The following INPP4B variants were observed in gnomAD, a reference collection of about 807,000 sequenced individuals.
INPP4B encodes the protein inositol polyphosphate-4-phosphatase type II B.
In INPP4B, 55 loss-of-function variants were observed where a neutral mutation model predicts 122.5. The ratio of observed to expected loss-of-function variants is 0.45; its 90% CI spans 0.36 to 0.56. The LOEUF is 0.56. INPP4B is among the 20% of genes least tolerant of loss of function. The pLI is 0.00. For missense variants in INPP4B, 1,000 were observed against 1,097.7 expected, an observed-to-expected ratio of 0.91 and a Z score of 1.26; for synonymous variants, 403 against 388.7, an observed-to-expected ratio of 1.04 and a Z score of -0.43.
intron 2 of INPP4B, among the ~76,000 whole-genome samples, chr4:142,657,576 G>C (rs948978558): frequency 1.3e-5 from 2 of 152,158 alleles, no homozygotes; most frequent in African/African-American, 4.8e-5. Flanking sequence ...TTAGTAAAAG[G>C]TTATAAGAAG....
At chr4:142,377,334 A>G (rs1792309646) in intron 7 of INPP4B, among the ~76,000 whole-genome samples, 1 of 152,006 alleles carries the variant, frequency 6.6e-6, no homozygotes. Context: ...GTTAAAAAAA[A>G]AAAAATCCTT....
intron 22 of INPP4B, 41 bp from the exon 23 acceptor site, chr4:142,108,231 G>GT (rs754423443): frequency 9.4e-7 from 1 of 1,061,778 alleles, no homozygotes; most frequent in South Asian, 1.3e-5. Context: ...GTTATAAAAC[G>GT]GTACCAAAAA....
chr4:142,775,623 C>A (rs1049241243), intron 1 of INPP4B, among the ~76,000 whole-genome samples: 2 of 150,866 alleles, frequency 1.3e-5, no homozygotes, highest in African/African-American at 4.9e-5. Flanking sequence ...AATCCTCCCA[C>A]CTTGGACTCT....
At chr4:142,835,895 T>C (rs79835060) in intron 1 of INPP4B, among the ~76,000 whole-genome samples, 5,117 of 152,250 alleles carry the variant, frequency 0.034, 94 homozygotes, top group Non-Finnish European at 0.041. Context: ...TGGAGGACCA[T>C]GAGACACCAT....
At chr4:142,744,558 G>A (rs1661104322) in intron 1 of INPP4B, among the ~76,000 whole-genome samples, 1 of 151,648 alleles carries the variant, frequency 6.6e-6, no homozygotes, top group Admixed American at 6.6e-5. Flanking sequence ...TTACTACAGG[G>A]AACAATAATG....
chr4:142,298,367 G>A (rs1759744883), intron 9 of INPP4B, among the ~76,000 whole-genome samples: 1 of 152,034 alleles, frequency 6.6e-6, no homozygotes, highest in Admixed American at 6.6e-5. Context: ...GAAGGGCCAG[G>A]TTTGAAGTCT....
At position 142,173,559 on chromosome 4, in the gene INPP4B, G is replaced by C. The variant is rs1826571286; in HGVS notation, c.1359+73C>G. 12 of 1,270,088 alleles carry C rather than the reference G, an allele frequency of 9.4e-6. No homozygotes were observed. In the East Asian group the frequency reaches 2.3e-4, roughly 25 times the overall value. 78.7% of individuals were successfully genotyped at this position (1,270,088 alleles called of 1,614,324 possible). ...ATTTCCAGATGCTATGAATGGCGAT[G>C]TATGCAGAAAGCCAGACCAATGGGA... On this transcript the variant is annotated intron_variant, in intron 16 of 25. Coordinates refer to ENST00000262992, the MANE Select transcript of INPP4B (RefSeq NM_001101669.3).
At chr4:142,611,637 C>CTTTTT (rs34482115) in intron 2 of INPP4B, among the ~76,000 whole-genome samples, 15 of 65,230 alleles carry the variant, frequency 2.3e-4, no homozygotes, top group African/African-American at 3.2e-4. Context: ...TTTCTTTTTT[C>CTTTTT]TTTTTTTTTT....
chr4:142,057,251 T>TAA (rs35202316), intron 25 of INPP4B, among the ~76,000 whole-genome samples: 1 of 151,768 alleles, frequency 6.6e-6, no homozygotes, highest in Non-Finnish European at 1.5e-5. Flanking sequence ...AATAGTATGT[T>TAA]AAAAATCACT....
chr4:142,683,645 C>G (rs905778048), intron 2 of INPP4B, among the ~76,000 whole-genome samples: 1 of 151,536 alleles, frequency 6.6e-6, no homozygotes, highest in African/African-American at 2.4e-5. Context: ...GAGACAACCC[C>G]ATGACTACCA....
At chr4:142,592,007 A>T (rs1737607367) in intron 2 of INPP4B, among the ~76,000 whole-genome samples, 3 of 152,194 alleles carry the variant, frequency 2.0e-5, no homozygotes, top group Admixed American at 6.5e-5. Context: ...GCTGTAGATA[A>T]AAATAAGGTA....
intron 2 of INPP4B, among the ~76,000 whole-genome samples, chr4:142,671,910 G>A (rs1306283836): frequency 6.6e-6 from 1 of 152,032 alleles, no homozygotes; most frequent in Non-Finnish European, 1.5e-5. Context: ...ATGCTCCTCT[G>A]AGGTCAACTC....
chr4:142,700,667 A>G (rs1407476295), intron 2 of INPP4B, among the ~76,000 whole-genome samples: 2 of 91,890 alleles, frequency 2.2e-5, no homozygotes, highest in African/African-American at 3.5e-5. Flanking sequence ...TCTTATTTGC[A>G]TGAAATTTTT....
chr4:142,800,061 T>C (rs182738800), intron 1 of INPP4B, among the ~76,000 whole-genome samples: 12 of 152,192 alleles, frequency 7.9e-5, no homozygotes, highest in Non-Finnish European at 1.5e-4. Flanking sequence ...CTGAATGCAA[T>C]AATTGGAAAA....
intron 25 of INPP4B, among the ~76,000 whole-genome samples, chr4:142,065,439 CCT>C (rs1354921497): frequency 2.0e-5 from 3 of 152,016 alleles, no homozygotes; most frequent in Non-Finnish European, 4.4e-5. Context: ...CACATATGCC[CCT>C]GTTTTGTTGT....
At chr4:142,306,493 G>T (rs1206803331) in intron 8 of INPP4B, among the ~76,000 whole-genome samples, 1 of 152,178 alleles carries the variant, frequency 6.6e-6, no homozygotes, top group African/African-American at 2.4e-5. Context: ...TAGGTCTGCT[G>T]CTGAGCTACA....
At chr4:142,790,119 A>G (rs1776331621) in intron 1 of INPP4B, among the ~76,000 whole-genome samples, 1 of 152,206 alleles carries the variant, frequency 6.6e-6, no homozygotes, top group Non-Finnish European at 1.5e-5. Context: ...ACCTGAAACT[A>G]TAAAAATTCT....
intron 5 of INPP4B, among the ~76,000 whole-genome samples, chr4:142,421,329 T>C (rs1806842231): frequency 6.6e-6 from 1 of 152,096 alleles, no homozygotes; most frequent in African/African-American, 2.4e-5. Flanking sequence ...GGGAAAATTA[T>C]TGTCTATATA....
At chr4:142,632,072 G>T (rs561530016) in intron 2 of INPP4B, among the ~76,000 whole-genome samples, 2 of 152,094 alleles carry the variant, frequency 1.3e-5, no homozygotes, top group African/African-American at 2.4e-5. Context: ...TGCTATGTGC[G>T]TCATAGCCTA....
Sources: gnomAD v4.1 joint callset for allele counts (sites outside exome capture counted in the v4.1 genomes callset) on GRCh38, gnomAD v4.1.1 for gene constraint, MANE v1.5 for transcripts, NCBI Gene and HGNC (gene_info 2026-07-23, HGNC 2026-07-21) for gene names.